Variants in PLEKHA5 observed in about 807,000 individuals in gnomAD.
PLEKHA5 encodes pleckstrin homology domain containing A5.
Under a neutral mutation model 181.9 loss-of-function variants are expected in PLEKHA5, and 55 were observed. The ratio of observed to expected loss-of-function variants is 0.30; its 90% CI spans 0.24 to 0.38. The LOEUF is 0.38. Ranked by LOEUF, PLEKHA5 falls within the 10% of genes least tolerant of loss-of-function variation. The pLI, the probability that PLEKHA5 is intolerant of heterozygous loss-of-function variation, is 1.00. For missense variants in PLEKHA5, 1,432 were observed against 1,549.5 expected, an observed-to-expected ratio of 0.92 and a Z score of 1.27; for synonymous variants, 535 against 529.4, an observed-to-expected ratio of 1.01 and a Z score of -0.15.
intron 3 of PLEKHA5, among the ~76,000 whole-genome samples, chr12:19,173,600 G>A (rs955512312): frequency 2.0e-5 from 3 of 152,052 alleles, no homozygotes; most frequent in Admixed American, 2.0e-4. Flanking sequence ...TTTATTAGCA[G>A]TAAGACCTCA....
At chr12:19,335,337 A>G (rs1349084033) in intron 20 of PLEKHA5, among the ~76,000 whole-genome samples, 1 of 151,664 alleles carries the variant, frequency 6.6e-6, no homozygotes, top group Non-Finnish European at 1.5e-5. Flanking sequence ...CCAGCCAATC[A>G]CCTAAATTTT....
chr12:19,326,604 G>A (rs138811574), intron 20 of PLEKHA5, among the ~76,000 whole-genome samples: 321 of 152,226 alleles, frequency 2.1e-3, no homozygotes, highest in African/African-American at 7.3e-3. Flanking sequence ...TAGGTTTGGG[G>A]GTACATGTGT....
At chr12:19,341,314 A>G (rs1370995179) in intron 21 of PLEKHA5, among the ~76,000 whole-genome samples, 1 of 152,198 alleles carries the variant, frequency 6.6e-6, no homozygotes, top group Non-Finnish European at 1.5e-5. Context: ...GTTCAAAGTT[A>G]GTAGTAACCA....
intron 15 of PLEKHA5, among the ~76,000 whole-genome samples, chr12:19,312,189 A>G (rs2086785910): frequency 1.3e-5 from 2 of 152,244 alleles, no homozygotes; most frequent in South Asian, 4.1e-4. Flanking sequence ...GCTATCATCC[A>G]GGCTTTGTTC....
chr12:19,307,926 A>G (rs2084691070), intron 15 of PLEKHA5, among the ~76,000 whole-genome samples: 1 of 151,972 alleles, frequency 6.6e-6, no homozygotes, highest in African/African-American at 2.4e-5. Flanking sequence ...TGGGAAACAT[A>G]AAAAGAAGAA....
At chr12:19,152,584 A>G (rs959698151) in intron 3 of PLEKHA5, 5 of 152,314 alleles carry the variant, frequency 3.3e-5, no homozygotes, top group South Asian at 2.1e-4. Flanking sequence ...TTGGGGTCCA[A>G]TGATATTTTT....
intron 20 of PLEKHA5, 86 bp downstream of exon 20, chr12:19,322,753 T>C (rs887424916): frequency 6.1e-6 from 5 of 816,386 alleles, no homozygotes; most frequent in Non-Finnish European, 9.8e-6. Flanking sequence ...CTGGGCTCTC[T>C]TTAGGATTCT....
Position 19,248,368 on chromosome 12 carries a change from C to A in PLEKHA5, c.228-5572C>A, listed in dbSNP as rs558249439. On this transcript the variant is annotated intron_variant, in intron 3 of 31. Coordinates refer to ENST00000429027, the MANE Select transcript of PLEKHA5 (RefSeq NM_001256470.2). ...GTGTGTCACTATGCCTGGCTAATTT[C>A]TGTATTTTTAGTAGAGACAGGGTTT... Among the ~76,000 whole-genome samples the A allele has an allele frequency of 7.2e-5, 11 of 152,132 alleles. No individual in the cohort carries two copies. The South Asian group carries it at 1.0e-3, about 14-fold the overall frequency.
intron 5 of PLEKHA5, among the ~76,000 whole-genome samples, chr12:19,255,884 G>GAA (rs60570882): frequency 4.4e-5 from 4 of 91,912 alleles, no homozygotes; most frequent in East Asian, 3.2e-4. Context: ...TGGAAGATTT[G>GAA]AAAAAAAAAA....
chr12:19,376,089 C>G lies in PLEKHA5; in HGVS notation c.*570C>G, dbSNP rs1345372975. ...TTCTTTCTCGGTCAGATTGCAATGT[C>G]AGCAGTTACTGCCACACTCCTGTCA... On this transcript the variant is annotated 3_prime_UTR_variant, in exon 32 of 32. Coordinates refer to ENST00000429027, the MANE Select transcript of PLEKHA5 (RefSeq NM_001256470.2). The G allele has an allele frequency of 1.3e-5, 2 of 151,208 alleles. No individual in the cohort carries two copies. Among genetic ancestry groups the G allele is most frequent in the East Asian group, 3.9e-4 (2 of 5,122 alleles). 9.4% of individuals were successfully genotyped at this position (151,208 alleles called of 1,614,324 possible).
At chr12:19,183,165 A>G (rs1174462956) in intron 3 of PLEKHA5, among the ~76,000 whole-genome samples, 1 of 152,246 alleles carries the variant, frequency 6.6e-6, no homozygotes, top group Non-Finnish European at 1.5e-5. Context: ...AAAATTATAT[A>G]CAACTTAAGG....
intron 26 of PLEKHA5, among the ~76,000 whole-genome samples, chr12:19,354,232 A>C (rs561514659): frequency 1.9e-4 from 24 of 128,432 alleles, no homozygotes; most frequent in African/African-American, 6.9e-4. Context: ...GCTCACTGCA[A>C]GCTCCGCCTC....
In PLEKHA5 at chr12:19,265,898, G is replaced by A. The variant is rs190298698; in HGVS notation, c.711+48G>A. 1.2e-5 allele frequency: 12 copies of A among 976,194 alleles called. No homozygotes were observed. In the Admixed American group the frequency reaches 2.3e-4, roughly 18 times the overall value. 60.5% of individuals were successfully genotyped at this position (976,194 alleles called of 1,614,324 possible). Reference sequence around the variant, plus strand: ...AATTCTGTGTTCAAAACTTGCGTTGGTTAAAATGGATATTGAGCCATAGAT... The same window carrying A: ...AATTCTGTGTTCAAAACTTGCGTTGATTAAAATGGATATTGAGCCATAGAT... On this transcript the variant is annotated intron_variant, in intron 8 of 31. Coordinates refer to ENST00000429027, the MANE Select transcript of PLEKHA5 (RefSeq NM_001256470.2).
chr12:19,203,679 A>G (rs1474506746), intron 3 of PLEKHA5, among the ~76,000 whole-genome samples: 1 of 152,060 alleles, frequency 6.6e-6, no homozygotes, highest in Non-Finnish European at 1.5e-5. Context: ...TTTTGCTGTA[A>G]TACTTAGATT....
At chr12:19,183,096 G>T (rs1162429589) in intron 3 of PLEKHA5, among the ~76,000 whole-genome samples, 2 of 152,154 alleles carry the variant, frequency 1.3e-5, no homozygotes, top group African/African-American at 2.4e-5. Flanking sequence ...TTAACTTAAA[G>T]GAGATTAAAA....
rs768138569 is a variant in PLEKHA5 at position 19,129,775 on chromosome 12, C to CGGCGGCGGCGGCTAGGGATCAGACAT, written c.-16_10dup. On this transcript the variant is annotated 5_prime_UTR_variant, in exon 1 of 32. It adds an upstream start codon to the 5' untranslated region. Coordinates refer to ENST00000429027, the MANE Select transcript of PLEKHA5 (RefSeq NM_001256470.2). ...CAGCCGCGGCGGCAGCAGGAGAAGG[C>CGGCGGCGGCGGCTAGGGATCAGACAT]GGCGGCGGCGGCTAGGGATCAGACA... 1 of 1,446,050 alleles carries CGGCGGCGGCGGCTAGGGATCAGACAT rather than the reference C, an allele frequency of 6.9e-7. No individual in the cohort carries two copies. Among genetic ancestry groups the CGGCGGCGGCGGCTAGGGATCAGACAT allele is most frequent in the Non-Finnish European group, 9.5e-7 (1 of 1,050,096 alleles). The allele number at this position is 1,446,050 out of a possible 1,614,324, so 89.6% of individuals were successfully genotyped here. A position where few individuals can be genotyped will look rare whatever the true frequency, so the allele number is the denominator to read the frequency against.
intron 17 of PLEKHA5, 120 bp from the exon 18 acceptor site, chr12:19,320,442 C>A: frequency 3.9e-6 from 2 of 519,432 alleles, no homozygotes; most frequent in Non-Finnish European, 3.4e-6. Flanking sequence ...GTGTAAGAAT[C>A]ATTAAAATCT....
chr12:19,276,110 G>A (rs147591094), intron 11 of PLEKHA5, among the ~76,000 whole-genome samples: 2 of 152,220 alleles, frequency 1.3e-5, no homozygotes, highest in East Asian at 3.9e-4. Flanking sequence ...GCATATTATG[G>A]CTTAGATATG....
At chr12:19,191,720 C>T (rs534026913) in intron 3 of PLEKHA5, among the ~76,000 whole-genome samples, 6 of 152,134 alleles carry the variant, frequency 3.9e-5, no homozygotes, top group Admixed American at 3.9e-4. Context: ...GGTTCTCTTA[C>T]GAGGTTGGAT....
Sources: allele counts gnomAD v4.1 joint callset (sites outside exome capture counted in the v4.1 genomes callset), GRCh38; gene constraint gnomAD v4.1.1; transcripts MANE v1.5; gene names NCBI Gene and HGNC (gene_info 2026-07-23, HGNC 2026-07-21).